Variants in PTGFR observed in about 807,000 individuals in gnomAD.
PTGFR encodes prostaglandin F2-alpha receptor.
PTGFR carries 15 observed loss-of-function variants against 26.2 expected under a neutral mutation model. The ratio of observed to expected loss-of-function variants is 0.57; its 90% confidence interval spans 0.38 to 0.88. The LOEUF (loss-of-function observed/expected upper bound fraction) is 0.88. PTGFR is among the 40% of genes least tolerant of loss of function. The pLI is 0.00. For missense variants in PTGFR, 369 were observed against 427.2 expected, an observed-to-expected ratio of 0.86 and a Z score of 1.20; for synonymous variants, 165 against 151.1, an observed-to-expected ratio of 1.09 and a Z score of -0.68.
intron 2 of PTGFR, among the ~76,000 whole-genome samples, chr1:78,503,543 T>C (rs1229202672): frequency 6.6e-6 from 1 of 152,184 alleles, no homozygotes; most frequent in Non-Finnish European, 1.5e-5. Context: ...TGGGTGTCTC[T>C]CCAGGTGGAG....
intron 1 of PTGFR, among the ~76,000 whole-genome samples, chr1:78,492,244 G>C (rs961980476): frequency 1.6e-4 from 24 of 152,212 alleles, no homozygotes; most frequent in Admixed American, 9.8e-4. Flanking sequence ...GGAATAATCT[G>C]CAGTTTGGGG....
At chr1:78,510,857 C>T (rs1649949599) in intron 2 of PTGFR, among the ~76,000 whole-genome samples, 2 of 152,220 alleles carry the variant, frequency 1.3e-5, no homozygotes, top group Non-Finnish European at 2.9e-5. Flanking sequence ...TAAACATTCT[C>T]ATTCCCAAAG....
At chr1:78,512,724 G>A (rs565155822) in intron 2 of PTGFR, among the ~76,000 whole-genome samples, 14 of 152,212 alleles carry the variant, frequency 9.2e-5, no homozygotes, top group Non-Finnish European at 1.6e-4. Flanking sequence ...ATGTTAAAAT[G>A]TGATTCTCAG....
chr1:78,523,610 C>T (rs776092332), intron 2 of PTGFR, among the ~76,000 whole-genome samples: 8 of 152,044 alleles, frequency 5.3e-5, no homozygotes, highest in Non-Finnish European at 1.0e-4. Context: ...AGGATCTACA[C>T]GTAGCTCTCA....
chr1:78,510,644 C>T (rs1260088766), intron 2 of PTGFR, among the ~76,000 whole-genome samples: 2 of 152,100 alleles, frequency 1.3e-5, no homozygotes, highest in Non-Finnish European at 2.9e-5. Context: ...TCATTCCATC[C>T]CTGGCCCCCC....
rs1650678472 is a variant in PTGFR, at chr1:78,537,181, A to T, written c.*494A>T. 6.5e-6 allele frequency: 1 copy of T among 152,870 alleles called. No homozygotes were observed. Among genetic ancestry groups the T allele is most frequent in the African/African-American group, 2.4e-5 (1 of 41,412 alleles). The allele number at this position is 152,870 out of a possible 1,614,324, so 9.5% of individuals were successfully genotyped here. A position where few individuals can be genotyped will look rare whatever the true frequency, so the allele number is the denominator to read the frequency against. On this transcript the variant is annotated 3_prime_UTR_variant, in exon 3 of 3. Coordinates refer to ENST00000370757, the MANE Select transcript of PTGFR (RefSeq NM_000959.4). ...CTCAATTAACACATGCATGGTCATG[A>T]CACCCAGAATTCATGATGGTTTGTT... is the stretch of plus-strand genomic sequence containing the variant.
intron 2 of PTGFR, among the ~76,000 whole-genome samples, chr1:78,518,895 CAG>C (rs1315942946): frequency 6.6e-6 from 1 of 152,074 alleles, no homozygotes; most frequent in Non-Finnish European, 1.5e-5. Context: ...GTAAAAGAGA[CAG>C]AGCACCGTAG....
At chr1:78,522,486 T>C (rs1396051685) in intron 2 of PTGFR, among the ~76,000 whole-genome samples, 1 of 152,150 alleles carries the variant, frequency 6.6e-6, no homozygotes, top group South Asian at 2.1e-4. Context: ...CCAGCTTTTG[T>C]TATGTACTGT....
At chr1:78,514,563 G>A (rs758690957) in intron 2 of PTGFR, among the ~76,000 whole-genome samples, 1 of 152,236 alleles carries the variant, frequency 6.6e-6, no homozygotes, top group African/African-American at 2.4e-5. Context: ...TGAGACTTTG[G>A]ACTTGGGACT....
rs77088922 is a variant in PTGFR, at chr1:78,538,545, A to T, written c.*1858A>T. ...GACATCAAAAATTAAAAAAAAAAAA[A>T]GGAATGTGTTTTCATTGTTTTAAGT... On this transcript the variant is annotated 3_prime_UTR_variant, in exon 3 of 3. Transcript: ENST00000370757. The T allele has an allele frequency of 7.8e-4, 118 of 151,154 alleles. 1 individual carries two copies. The highest frequency in any genetic ancestry group is 2.7e-3 in the African/African-American group (112 of 41,134). The allele number at this position is 151,154 out of a possible 1,614,324, so 9.4% of individuals were successfully genotyped here.
intron 2 of PTGFR, among the ~76,000 whole-genome samples, chr1:78,526,777 G>A (rs1314054693): frequency 2.6e-5 from 4 of 152,032 alleles, no homozygotes; most frequent in Non-Finnish European, 4.4e-5. Context: ...TGAAGCAAAG[G>A]TTTGGGCCCA....
In PTGFR at chr1:78,498,040, G is replaced by C. The variant is rs897423263; in HGVS notation, c.798+4499G>C. 21 of 933,844 alleles carry C rather than the reference G, an allele frequency of 2.2e-5. No individual in the cohort carries two copies. In the East Asian group the frequency reaches 4.9e-4, roughly 22 times the overall value. The allele number at this position is 933,844 out of a possible 1,614,324, so 57.8% of individuals were successfully genotyped here. ...TATGCTAATATTTCTAGTCAACATA[G>C]TTAAACATTGTTTGGTCACTAAGGT... On this transcript the variant is annotated intron_variant, in intron 2 of 2. Transcript: ENST00000370757.
At chr1:78,519,033 T>A (rs1346548493) in intron 2 of PTGFR, among the ~76,000 whole-genome samples, 1 of 152,152 alleles carries the variant, frequency 6.6e-6, no homozygotes, top group Non-Finnish European at 1.5e-5. Flanking sequence ...GGGAAACTGT[T>A]TAGGTTTCCT....
In PTGFR at chr1:78,539,663, C is replaced by A. The variant is rs546165095; in HGVS notation, c.*2976C>A. 4 of 152,500 alleles carry A rather than the reference C, an allele frequency of 2.6e-5. No individual in the cohort carries two copies. The South Asian group carries it at 8.3e-4, about 32-fold the overall frequency. 9.4% of individuals were successfully genotyped at this position (152,500 alleles called of 1,614,324 possible). ...AGTGATATGTATATTTTGTTGTTTGCTTTGGTATGCAACTCATGTAATTTT... is the reference window on the plus strand; with the variant it reads ...AGTGATATGTATATTTTGTTGTTTGATTTGGTATGCAACTCATGTAATTTT... On this transcript the variant is annotated 3_prime_UTR_variant, in exon 3 of 3. Transcript: ENST00000370757.
At chr1:78,524,640 G>A (rs1650324987) in intron 2 of PTGFR, among the ~76,000 whole-genome samples, 1 of 151,988 alleles carries the variant, frequency 6.6e-6, no homozygotes, top group South Asian at 2.1e-4. Context: ...AAAGGAGCTT[G>A]GGAATCACAG....
At chr1:78,536,252 T>C (rs996837919) in intron 2 of PTGFR, among the ~76,000 whole-genome samples, 154 bp from the exon 3 acceptor site, 1 of 152,152 alleles carries the variant, frequency 6.6e-6, no homozygotes, top group Non-Finnish European at 1.5e-5. Flanking sequence ...CCATCAGTGT[T>C]TCTGCTATCA....
chr1:78,529,057 ATAAT>A (rs986329823), intron 2 of PTGFR, among the ~76,000 whole-genome samples: 1 of 152,234 alleles, frequency 6.6e-6, no homozygotes, highest in Non-Finnish European at 1.5e-5. Context: ...TTCTCATTAA[ATAAT>A]TAATTATTGT....
rs1175242678 is a variant in PTGFR, at chr1:78,537,461, A to C, written c.*774A>C. 1.3e-5 allele frequency: 2 copies of C among 152,166 alleles called. No homozygotes were observed. Among genetic ancestry groups the C allele is most frequent in the South Asian group, 4.1e-4 (2 of 4,834 alleles). 9.4% of individuals were successfully genotyped at this position (152,166 alleles called of 1,614,324 possible). On this transcript the variant is annotated 3_prime_UTR_variant, in exon 3 of 3. Coordinates refer to ENST00000370757, the MANE Select transcript of PTGFR (RefSeq NM_000959.4). Reference sequence around the variant, plus strand: ...AGAAACAAAGGCTCTTTCTCAGCACATTGATGGGCAACTAGAATTACAGCA... The same window carrying C: ...AGAAACAAAGGCTCTTTCTCAGCACCTTGATGGGCAACTAGAATTACAGCA...
intron 2 of PTGFR, among the ~76,000 whole-genome samples, chr1:78,535,911 G>A (rs184723254): frequency 6.6e-6 from 1 of 152,152 alleles, no homozygotes; most frequent in Non-Finnish European, 1.5e-5. Flanking sequence ...GAAAATTGAA[G>A]ACAGTGGTAT....
Sources: allele counts gnomAD v4.1 joint callset (sites outside exome capture counted in the v4.1 genomes callset), GRCh38; gene constraint gnomAD v4.1.1; transcripts MANE v1.5; gene names NCBI Gene and HGNC (gene_info 2026-07-23, HGNC 2026-07-21).